The following DRD3 variants were observed in gnomAD, a reference collection of about 807,000 sequenced individuals.
DRD3 encodes the protein dopamine receptor D3.
In DRD3, 19 loss-of-function variants were observed where a neutral mutation model predicts 36.3. The ratio of observed to expected loss-of-function variants is 0.52; its 90% CI spans 0.36 to 0.77. The LOEUF is 0.77. Ranked by LOEUF, DRD3 falls within the 30% of genes least tolerant of loss-of-function variation. DRD3 has a pLI of 0.00. For missense variants in DRD3, 465 were observed against 505.3 expected (o/e 0.92, Z 0.77); for synonymous variants, 195 against 203.7 (o/e 0.96, Z 0.36).
chr3:114,163,717 A>G (rs1235717377), intron 2 of DRD3, among the ~76,000 whole-genome samples: 1 of 152,148 alleles, frequency 6.6e-6, no homozygotes, highest in Non-Finnish European at 1.5e-5. Flanking sequence ...GGGCGGGTGT[A>G]TTGAAACAAA....
intron 1 of DRD3, among the ~76,000 whole-genome samples, chr3:114,173,439 C>G (rs1273168053): frequency 2.0e-5 from 3 of 152,252 alleles, no homozygotes; most frequent in Non-Finnish European, 2.9e-5. Context: ...GAATTCTCTA[C>G]CCAACTGCTC....
At chr3:114,190,059 G>T (rs2077995803) in intron 1 of DRD3, among the ~76,000 whole-genome samples, 1 of 152,084 alleles carries the variant, frequency 6.6e-6, no homozygotes, top group Non-Finnish European at 1.5e-5. Context: ...CTGTGGAATT[G>T]CTGATTCTTT....
chr3:114,153,756 C>A (rs962154049), intron 3 of DRD3, among the ~76,000 whole-genome samples: 2 of 152,154 alleles, frequency 1.3e-5, no homozygotes, highest in African/African-American at 4.8e-5. Context: ...CTGCCTGAAT[C>A]CTTACTCTTG....
At position 114,142,047 on chromosome 3, in the gene DRD3, CAAAAAAAAAAA is replaced by C. The variant is rs771946847; in HGVS notation, c.527-2362_527-2352del. ...TGGGCGATAGAGCGAGACTCTCTCT[CAAAAAAAAAAA>C]AAAAAAAAAAAAAAGAAAAGAAAAG... On this transcript the variant is annotated intron_variant, in intron 4 of 6. Coordinates refer to ENST00000383673, the MANE Select transcript of DRD3 (RefSeq NM_000796.6). Among the ~76,000 whole-genome samples, 43 of 64,724 alleles carry C rather than the reference CAAAAAAAAAAA, an allele frequency of 6.6e-4. 1 individual carries two copies. In the South Asian group the frequency reaches 0.018, roughly 27 times the overall value. 42.5% of individuals were successfully genotyped at this position (64,724 alleles called of 152,430 possible). A position where few individuals can be genotyped will look rare whatever the true frequency, so the allele number is the denominator to read the frequency against.
rs201011071 is a variant in DRD3 at position 114,128,815 on chromosome 3, C to G, written c.1104G>C (p.Thr368=). 3 of 1,613,910 alleles carry G rather than the reference C, an allele frequency of 1.9e-6. No individual in the cohort carries two copies. Among genetic ancestry groups the G allele is most frequent in the Middle Eastern group, 1.6e-4 (1 of 6,062 alleles). ...CGCTATTCACGTAGCCCAGCCATGT[C>G]GTGGCACTGTAAAGCTCTGGGGACA... is the stretch of plus-strand genomic sequence containing the variant. The part of the protein sequence containing the change: ...CHVSPELYSA[T]TWLGYVNSAL... The change falls in exon 7 of 7, where the codon ACG becomes ACC. Residue 368 remains threonine (T), a synonymous_variant. Coordinates refer to ENST00000383673, the MANE Select transcript of DRD3 (RefSeq NM_000796.6).
chr3:114,176,410 C>A (rs929459283), intron 1 of DRD3, among the ~76,000 whole-genome samples: 2 of 151,964 alleles, frequency 1.3e-5, no homozygotes, highest in Non-Finnish European at 2.9e-5. Context: ...TCAGCCTGGG[C>A]AACATAGTGA....
intron 1 of DRD3, among the ~76,000 whole-genome samples, chr3:114,189,746 G>C (rs1379748498): frequency 6.6e-6 from 1 of 152,172 alleles, no homozygotes; most frequent in Non-Finnish European, 1.5e-5. Context: ...TACCTTTCTA[G>C]TACCTGTCTT....
At chr3:114,149,165 G>A (rs2077594657) in intron 3 of DRD3, among the ~76,000 whole-genome samples, 1 of 152,086 alleles carries the variant, frequency 6.6e-6, no homozygotes, top group Non-Finnish European at 1.5e-5. Flanking sequence ...CAATAAAAAA[G>A]GAAACAAATA....
At chr3:114,151,826 C>T (rs1011019232) in intron 3 of DRD3, among the ~76,000 whole-genome samples, 2 of 152,316 alleles carry the variant, frequency 1.3e-5, no homozygotes, top group Non-Finnish European at 2.9e-5. Flanking sequence ...TCGAGGGCAT[C>T]GACAGCTCTC....
intron 2 of DRD3, among the ~76,000 whole-genome samples, chr3:114,168,969 A>T (rs1397404554): frequency 1.3e-5 from 2 of 150,620 alleles, no homozygotes; most frequent in African/African-American, 4.9e-5. Flanking sequence ...CTTCTCATGT[A>T]CATCTTATCT....
chr3:114,165,768 C>T (rs1577612612), intron 2 of DRD3, among the ~76,000 whole-genome samples: 1 of 151,924 alleles, frequency 6.6e-6, no homozygotes, highest in Admixed American at 6.6e-5. Flanking sequence ...TGGGGCAAAA[C>T]AGAATAATAA....
chr3:114,194,110 CATATCCTAAATG>C (rs1384214934), intron 1 of DRD3, among the ~76,000 whole-genome samples: 2 of 152,188 alleles, frequency 1.3e-5, no homozygotes, highest in Non-Finnish European at 2.9e-5. Flanking sequence ...ACTATGATGG[CATATCCTAAATG>C]ATATCCCCAA....
intron 2 of DRD3, among the ~76,000 whole-genome samples, chr3:114,171,375 T>A (rs1360851690): frequency 1.1e-4 from 17 of 151,864 alleles, no homozygotes; most frequent in Non-Finnish European, 4.4e-5. Flanking sequence ...GGTGAAGAGG[T>A]CTTCTGGACT....
chr3:114,158,778 T>A (rs1467128199), intron 3 of DRD3, among the ~76,000 whole-genome samples: 2 of 152,108 alleles, frequency 1.3e-5, no homozygotes, highest in Non-Finnish European at 2.9e-5. Flanking sequence ...AAATGGCAGA[T>A]CTTATTTGGG....
At chr3:114,173,319 G>A (rs112715865) in intron 1 of DRD3, among the ~76,000 whole-genome samples, 1,995 of 152,120 alleles carry the variant, frequency 0.013, 40 homozygotes, top group African/African-American at 0.043. Flanking sequence ...AAGGACTAAG[G>A]CACCCTCTAC....
chr3:114,133,978 A>G (rs574108466), intron 5 of DRD3, among the ~76,000 whole-genome samples: 2 of 152,318 alleles, frequency 1.3e-5, no homozygotes, highest in South Asian at 4.1e-4. Context: ...GGTGGCATTC[A>G]ATGTCCAGTG....
chr3:114,177,681 T>C (rs1011570308), intron 1 of DRD3, among the ~76,000 whole-genome samples: 5 of 152,190 alleles, frequency 3.3e-5, no homozygotes, highest in African/African-American at 1.2e-4. Context: ...ATTTGGATAC[T>C]GTCAGTATTT....
In DRD3 at chr3:114,171,962, G is replaced by C; in HGVS notation, c.31C>G (p.Leu11Val). MASLSQLSGH[L>V]NYTCGAENST... ...TTCTCTGCCCCACAGGTGTAGTTCA[G>C]GTGGCCACTCAGCTGGCTCAGAGAT... Residue 11 changes from leucine (L) to valine (V), a missense_variant, in exon 2 of 7, where the codon CTG becomes GTG. Leu to Val is a conservative substitution (Grantham distance 32). Transcript: ENST00000383673. 6.5e-7 allele frequency: 1 copy of C among 1,533,508 alleles called. No individual in the cohort carries two copies. Among genetic ancestry groups the C allele is most frequent in the South Asian group, 1.3e-5 (1 of 79,192 alleles). The allele number at this position is 1,533,508 out of a possible 1,614,324, so 95.0% of individuals were successfully genotyped here.
In DRD3 at chr3:114,167,108, C is replaced by A. The variant is rs115870008; in HGVS notation, c.270+4615G>T. Among the ~76,000 whole-genome samples the A allele has an allele frequency of 9.2e-3, 1,406 of 152,196 alleles. 12 individuals are homozygous for A. The highest frequency in any genetic ancestry group is 0.015 in the Non-Finnish European group (1,030 of 68,006). ...GCTATTCTTTTCTTTCATCACAGTC[C>A]GACCTCGATCGCTTTTTCTGTGGTG... On this transcript the variant is annotated intron_variant, in intron 2 of 6. Coordinates refer to ENST00000383673, the MANE Select transcript of DRD3 (RefSeq NM_000796.6).
Sources: allele counts gnomAD v4.1 joint callset (sites outside exome capture counted in the v4.1 genomes callset), GRCh38; gene constraint gnomAD v4.1.1; transcripts MANE v1.5; gene names NCBI Gene and HGNC (gene_info 2026-07-23, HGNC 2026-07-21).